The following TSPAN14 variants were observed in gnomAD, a reference collection of about 807,000 sequenced individuals.
TSPAN14 encodes the protein tetraspanin-14.
In TSPAN14, 16 loss-of-function variants were observed where a neutral mutation model predicts 36.6. That is an observed-to-expected ratio of 0.44 (90% CI 0.30 to 0.66). TSPAN14 has a LOEUF of 0.66. TSPAN14 is among the 30% of genes least tolerant of loss of function. The pLI, the probability that TSPAN14 is intolerant of heterozygous loss-of-function variation, is 0.12. For missense variants in TSPAN14, 231 were observed against 355.1 expected (o/e 0.65, Z 2.81); for synonymous variants, 139 against 143.8 (o/e 0.97, Z 0.24).
In TSPAN14 at chr10:80,479,049, T is replaced by G. The variant is rs536840556; in HGVS notation, c.-17-10168T>G. On this transcript the variant is annotated intron_variant, in intron 1 of 8. Transcript: ENST00000429989. ...GCATTTCTCTGATGGCCAGTGATGG[T>G]GAGCATTTTTCCATGTGTTTTTTGG... Among the ~76,000 whole-genome samples the G allele has an allele frequency of 9.3e-4, 141 of 152,370 alleles. 1 individual carries two copies. The highest frequency in any genetic ancestry group is 3.3e-3 in the African/African-American group (139 of 41,586).
At chr10:80,477,755 G>C (rs1847002259) in intron 1 of TSPAN14, among the ~76,000 whole-genome samples, 1 of 152,150 alleles carries the variant, frequency 6.6e-6, no homozygotes, top group African/African-American at 2.4e-5. Context: ...GAAAAACCAA[G>C]GGCCCAGGAG....
At chr10:80,483,052 C>T (rs1028843620) in intron 1 of TSPAN14, among the ~76,000 whole-genome samples, 1 of 151,940 alleles carries the variant, frequency 6.6e-6, no homozygotes, top group Non-Finnish European at 1.5e-5. Flanking sequence ...TCACTTTTCA[C>T]ACTTATGAAT....
intron 1 of TSPAN14, among the ~76,000 whole-genome samples, chr10:80,481,323 C>T (rs1285004121): frequency 6.6e-6 from 1 of 152,116 alleles, no homozygotes; most frequent in Non-Finnish European, 1.5e-5. Context: ...AGAAATAAAA[C>T]ATCAGATGTG....
chr10:80,465,697 C>A (rs981341143), intron 1 of TSPAN14, among the ~76,000 whole-genome samples: 1 of 152,164 alleles, frequency 6.6e-6, no homozygotes, highest in Non-Finnish European at 1.5e-5. Context: ...AGTTAGCCTC[C>A]GGGTCTTTGG....
At chr10:80,512,870 GT>G (rs1840732691) in intron 6 of TSPAN14, among the ~76,000 whole-genome samples, 1 of 134,876 alleles carries the variant, frequency 7.4e-6, no homozygotes, top group East Asian at 2.1e-4. Context: ...ATTATTTTCT[GT>G]TTGTTGTTGT....
In TSPAN14 at chr10:80,483,017, GAGCCACTTTGCCC is replaced by G. The variant is rs201939323; in HGVS notation, c.-17-6194_-17-6182del. On this transcript the variant is annotated intron_variant, in intron 1 of 8. Transcript: ENST00000429989. ...CCCAAAGTGCTGGGATTATAGGCGT[GAGCCACTTTGCCC>G]AGCCAGCCAGTTCACTTTTCACACT... 7.6e-3 allele frequency among the ~76,000 whole-genome samples: 1,156 copies of G among 152,298 alleles called. 8 individuals carry two copies. Among genetic ancestry groups the G allele is most frequent in the African/African-American group, 0.024 (987 of 41,574 alleles).
At chr10:80,464,117 T>C (rs1337273397) in intron 1 of TSPAN14, among the ~76,000 whole-genome samples, 1 of 151,654 alleles carries the variant, frequency 6.6e-6, no homozygotes, top group Non-Finnish European at 1.5e-5. Flanking sequence ...CTATGTGGGG[T>C]GTGAAGGGGG....
intron 1 of TSPAN14, among the ~76,000 whole-genome samples, chr10:80,468,854 C>T (rs1384680430): frequency 6.6e-6 from 1 of 152,090 alleles, no homozygotes; most frequent in African/African-American, 2.4e-5. Flanking sequence ...GCCACCATGC[C>T]CGGCCTGAAT....
chr10:80,515,105 A>C (rs1840865373), intron 7 of TSPAN14, among the ~76,000 whole-genome samples: 1 of 152,250 alleles, frequency 6.6e-6, no homozygotes, highest in Non-Finnish European at 1.5e-5. Flanking sequence ...GACTAAGATA[A>C]GAACCTATAT....
chr10:80,522,133 C>G (rs1878035), exon 9 of TSPAN14: 1 of 152,088 alleles, frequency 6.6e-6, no homozygotes, highest in Non-Finnish European at 1.5e-5. Context: ...TACAAGGCTC[C>G]GAAACAATTC....
chr10:80,499,509 C>T (rs1436371341), intron 2 of TSPAN14, among the ~76,000 whole-genome samples: 1 of 152,156 alleles, frequency 6.6e-6, no homozygotes, highest in East Asian at 1.9e-4. Flanking sequence ...CTGTGGAATT[C>T]CTACATCCCC....
At chr10:80,455,704 C>G (rs898236473) in intron 1 of TSPAN14, among the ~76,000 whole-genome samples, 1 of 152,042 alleles carries the variant, frequency 6.6e-6, no homozygotes, top group Non-Finnish European at 1.5e-5. Context: ...AGGGATCTTC[C>G]TGGGCCCTGG....
intron 1 of TSPAN14, 28 bp from the exon 2 acceptor site, chr10:80,489,189 A>G: frequency 6.8e-7 from 1 of 1,466,240 alleles, no homozygotes; most frequent in Non-Finnish European, 9.4e-7. Flanking sequence ...TGAGCCTGCC[A>G]TCTCACTAGT....
At chr10:80,479,328 T>G (rs1456795590) in intron 1 of TSPAN14, among the ~76,000 whole-genome samples, 1 of 151,504 alleles carries the variant, frequency 6.6e-6, no homozygotes, top group Non-Finnish European at 1.5e-5. Flanking sequence ...TGGCTTTTGT[T>G]GCCATTGCTT....
intron 2 of TSPAN14, among the ~76,000 whole-genome samples, chr10:80,492,160 G>T (rs755608786): frequency 6.6e-6 from 1 of 152,138 alleles, no homozygotes; most frequent in Non-Finnish European, 1.5e-5. Context: ...AAAGTGGAAT[G>T]CCCAAGCCCT....
intron 2 of TSPAN14, among the ~76,000 whole-genome samples, chr10:80,489,527 A>T (rs1218955019): frequency 1.3e-5 from 2 of 152,202 alleles, no homozygotes; most frequent in Admixed American, 6.5e-5. Flanking sequence ...AGTAAGGCCA[A>T]CCCAGCCTTG....
At chr10:80,490,634 G>A (rs1847876184) in intron 2 of TSPAN14, among the ~76,000 whole-genome samples, 1 of 152,150 alleles carries the variant, frequency 6.6e-6, no homozygotes, top group Admixed American at 6.5e-5. Context: ...GGATCTGGGC[G>A]GGTGGATAGA....
exon 9 of TSPAN14, chr10:80,518,045 A>G: frequency 1.3e-6 from 2 of 1,495,580 alleles, no homozygotes; most frequent in Non-Finnish European, 1.8e-6. Flanking sequence ...CATCAGCCCT[A>G]CGTCCAGAGG....
chr10:80,470,778 C>A (rs1012354774), intron 1 of TSPAN14, among the ~76,000 whole-genome samples: 1 of 152,170 alleles, frequency 6.6e-6, no homozygotes, highest in Non-Finnish European at 1.5e-5. Context: ...TGGCTCCCAC[C>A]CCAATGGTGT....
Sources: gnomAD v4.1 joint callset for allele counts (sites outside exome capture counted in the v4.1 genomes callset) on GRCh38, gnomAD v4.1.1 for gene constraint, MANE v1.5 for transcripts, NCBI Gene and HGNC (gene_info 2026-07-23, HGNC 2026-07-21) for gene names.